The following RBFOX1 variants were observed in gnomAD, a reference collection of about 807,000 sequenced individuals.
RBFOX1 encodes RNA binding protein fox-1 homolog 1.
A neutral mutation model predicts 57.7 loss-of-function variants in RBFOX1; 8 were observed. The ratio of observed to expected loss-of-function variants is 0.14; its 90% CI spans 0.08 to 0.25. The LOEUF (loss-of-function observed/expected upper bound fraction) is 0.25. Among genes scored for constraint, RBFOX1 ranks in the 10% least tolerant of loss-of-function variants. The pLI is 1.00. For missense variants in RBFOX1, 611 were observed against 548.5 expected (o/e 1.11, Z -1.14); for synonymous variants, 326 against 222.4 (o/e 1.47, Z -4.15).
intron 4 of RBFOX1, among the ~76,000 whole-genome samples, chr16:7,226,353 C>T (rs1401003439): frequency 6.6e-6 from 1 of 152,184 alleles, no homozygotes; most frequent in African/African-American, 2.4e-5. Flanking sequence ...GTGTGTAATG[C>T]CCACCTGAAG....
At chr16:6,344,879 C>G (rs1478350591) in intron 2 of RBFOX1, among the ~76,000 whole-genome samples, 1 of 150,764 alleles carries the variant, frequency 6.6e-6, no homozygotes, top group Non-Finnish European at 1.5e-5. Context: ...TTAGTAGACA[C>G]GAGGTTTCAC....
At chr16:5,558,038 G>A (rs1312561791) in intron 2 of RBFOX1, among the ~76,000 whole-genome samples, 1 of 152,160 alleles carries the variant, frequency 6.6e-6, no homozygotes, top group African/African-American at 2.4e-5. Flanking sequence ...GGGGAGGACT[G>A]CCTTCCCACT....
intron 4 of RBFOX1, among the ~76,000 whole-genome samples, chr16:5,884,394 C>G (rs999091876): frequency 6.6e-6 from 1 of 151,972 alleles, no homozygotes; most frequent in Non-Finnish European, 1.5e-5. Context: ...TTGCCTGGTG[C>G]CTATGGTAGA....
intron 1 of RBFOX1, among the ~76,000 whole-genome samples, chr16:6,025,568 A>ATCTCTCCTGGG (rs1285674945): frequency 6.6e-6 from 1 of 151,628 alleles, no homozygotes; most frequent in Non-Finnish European, 1.5e-5. Context: ...CTTGACTGAC[A>ATCTCTCCTGGG]AGTCTCCTGG....
intron 1 of RBFOX1, among the ~76,000 whole-genome samples, chr16:6,229,503 C>G (rs753811499): frequency 1.3e-5 from 2 of 152,046 alleles, no homozygotes; most frequent in African/African-American, 4.8e-5. Context: ...TTAAGTGACG[C>G]AAACACAATA....
chr16:5,377,661 G>C (rs1453859161), intron 1 of RBFOX1, among the ~76,000 whole-genome samples: 1 of 151,304 alleles, frequency 6.6e-6, no homozygotes, highest in Non-Finnish European at 1.5e-5. Flanking sequence ...GGCGGAGGCA[G>C]AGACGGAAGT....
At chr16:6,541,066 A>T (rs150869767) in intron 2 of RBFOX1, among the ~76,000 whole-genome samples, 1 of 152,272 alleles carries the variant, frequency 6.6e-6, no homozygotes, top group African/African-American at 2.4e-5. Context: ...ACTTTTAGAG[A>T]TGGAAAAGCT....
chr16:7,655,215 G>A (rs1402054460), intron 12 of RBFOX1, among the ~76,000 whole-genome samples: 8 of 152,028 alleles, frequency 5.3e-5, no homozygotes, highest in Admixed American at 2.6e-4. Context: ...AAAAATAAAT[G>A]CAATAAAGTT....
chr16:7,303,373 C>G (rs965335857), intron 4 of RBFOX1, among the ~76,000 whole-genome samples: 26 of 152,252 alleles, frequency 1.7e-4, no homozygotes, highest in African/African-American at 5.1e-4. Context: ...GGGGAAATCC[C>G]TTTTCTGTGT....
chr16:6,944,328 G>C (rs1014399774), intron 3 of RBFOX1, among the ~76,000 whole-genome samples: 3 of 151,590 alleles, frequency 2.0e-5, no homozygotes, highest in Non-Finnish European at 4.4e-5. Flanking sequence ...CGAAGAGGCG[G>C]AGGTTGCAGT....
At chr16:5,504,942 G>C (rs2043327564) in intron 2 of RBFOX1, among the ~76,000 whole-genome samples, 1 of 152,178 alleles carries the variant, frequency 6.6e-6, no homozygotes, top group African/African-American at 2.4e-5. Context: ...GTGAATCAGT[G>C]GTTGTCCTAG....
intron 4 of RBFOX1, among the ~76,000 whole-genome samples, chr16:7,285,987 G>C (rs908880315): frequency 1.1e-4 from 16 of 152,140 alleles, no homozygotes; most frequent in Middle Eastern, 3.4e-3. Flanking sequence ...GTTCCATCCG[G>C]GTAAGTAGAC....
intron 1 of RBFOX1, among the ~76,000 whole-genome samples, chr16:6,124,552 G>C (rs985996554): frequency 2.0e-5 from 3 of 152,022 alleles, no homozygotes; most frequent in Non-Finnish European, 2.9e-5. Context: ...GCCCAGACTG[G>C]GGTGCAGTGG....
intron 1 of RBFOX1, among the ~76,000 whole-genome samples, chr16:5,446,744 T>C (rs1478010953): frequency 6.6e-6 from 1 of 152,124 alleles, no homozygotes; most frequent in Non-Finnish European, 1.5e-5. Flanking sequence ...ACTAAGTTCT[T>C]CAAGTCCCTC....
At chr16:6,984,324 T>C (rs1464180791) in intron 3 of RBFOX1, among the ~76,000 whole-genome samples, 4 of 152,154 alleles carry the variant, frequency 2.6e-5, no homozygotes, top group African/African-American at 9.7e-5. Flanking sequence ...CCCTTTGATC[T>C]GTGAAATATG....
At chr16:7,406,375 GC>G (rs1468548972) in intron 4 of RBFOX1, among the ~76,000 whole-genome samples, 18 of 152,290 alleles carry the variant, frequency 1.2e-4, no homozygotes, top group African/African-American at 3.6e-4. Flanking sequence ...CAGAGCTCTT[GC>G]TTTCCTTGTT....
intron 4 of RBFOX1, among the ~76,000 whole-genome samples, chr16:5,995,421 G>C (rs2060473706): frequency 6.6e-6 from 1 of 152,164 alleles, no homozygotes. Context: ...AGAAGAGCAT[G>C]ATGGTAAGTG....
At chr16:6,521,181 C>G (rs1019041106) in intron 2 of RBFOX1, among the ~76,000 whole-genome samples, 1 of 152,058 alleles carries the variant, frequency 6.6e-6, no homozygotes, top group African/African-American at 2.4e-5. Context: ...AAATACCTAA[C>G]AATGGGTATT....
intron 3 of RBFOX1, among the ~76,000 whole-genome samples, chr16:6,854,189 G>T (rs980210708): frequency 3.3e-5 from 5 of 152,044 alleles, no homozygotes; most frequent in Admixed American, 6.6e-5. Flanking sequence ...CGGTTTCTGG[G>T]GTTTAGACAG....
Sources: allele counts gnomAD v4.1 joint callset (sites outside exome capture counted in the v4.1 genomes callset), GRCh38; gene constraint gnomAD v4.1.1; transcripts MANE v1.5; gene names NCBI Gene and HGNC (gene_info 2026-07-23, HGNC 2026-07-21).